AQR: variants seen among roughly 807,000 people sequenced by gnomAD.
AQR encodes the protein aquarius intron-binding spliceosomal factor.
In AQR, 61 loss-of-function variants were observed where a neutral mutation model predicts 180.5. The observed-to-expected ratio is 0.34, with a 90% confidence interval of 0.28 to 0.42. AQR has a LOEUF of 0.42. Ranked by LOEUF, AQR falls within the 10% of genes least tolerant of loss-of-function variation. The pLI is 1.00. For synonymous variants in AQR, 551 were observed against 588.8 expected (o/e 0.94, Z 0.93); for missense variants, 1,281 against 1,798.3 (o/e 0.71, Z 5.20).
intron 2 of AQR, among the ~76,000 whole-genome samples, chr15:34,961,628 A>AG: frequency 6.7e-6 from 1 of 148,966 alleles, no homozygotes; most frequent in Admixed American, 6.8e-5. Flanking sequence ...AAAAAAAAAA[A>AG]AAAAAAGAAT....
chr15:34,919,064 C>A (rs1893642032), intron 14 of AQR, among the ~76,000 whole-genome samples: 1 of 151,826 alleles, frequency 6.6e-6, no homozygotes, highest in Admixed American at 6.6e-5. Context: ...CATGGTGAAA[C>A]CCCATCTCTA....
chr15:34,861,833 C>T (rs1892674921), intron 33 of AQR, among the ~76,000 whole-genome samples: 1 of 151,944 alleles, frequency 6.6e-6, no homozygotes, highest in African/African-American at 2.4e-5. Context: ...TTATAAAGTA[C>T]TTATTATTAT....
At chr15:34,924,700 G>C (rs1210842024) in intron 13 of AQR, among the ~76,000 whole-genome samples, 2 of 151,942 alleles carry the variant, frequency 1.3e-5, no homozygotes, top group Non-Finnish European at 2.9e-5. Context: ...CAAAGTGCTG[G>C]GGTTATAGGC....
chr15:34,922,538 G>A (rs1244870410), intron 13 of AQR, among the ~76,000 whole-genome samples: 10 of 151,814 alleles, frequency 6.6e-5, no homozygotes, highest in South Asian at 2.1e-4. Flanking sequence ...AATATTATCC[G>A]TTTTGGGGTT....
Position 34,906,632 on chromosome 15 carries a change from G to T in AQR, c.1744C>A (p.Pro582Thr), listed in dbSNP as rs753295936. ...PYGTKFDRRR[P>T]FIEQVGLVYV... is the part of the protein sequence containing the mutation. ...ACCAGGCCAACCTGCTCAATAAAAGGTCTCCTCCGGTCAAACTTAGTGCCA... is the reference window on the plus strand; with the variant it reads ...ACCAGGCCAACCTGCTCAATAAAAGTTCTCCTCCGGTCAAACTTAGTGCCA... Residue 582 changes from proline (P) to threonine (T), a missense_variant, in exon 18 of 35, where the codon CCT becomes ACT. By Grantham distance (38) the Pro-to-Thr change is conservative. Around this residue, in one of 9 missense-constraint regions of AQR, gnomAD observed 200 missense variants for 293.4 expected, o/e 0.68. Coordinates refer to ENST00000156471, the MANE Select transcript of AQR (RefSeq NM_014691.3). 9.3e-6 allele frequency: 15 copies of T among 1,614,052 alleles called. No individual in the cohort carries two copies. The highest frequency in any genetic ancestry group is 1.3e-5 in the Non-Finnish European group (15 of 1,179,982).
intron 27 of AQR, among the ~76,000 whole-genome samples, chr15:34,877,146 C>A (rs1266391994): frequency 6.6e-6 from 1 of 152,138 alleles, no homozygotes; most frequent in African/African-American, 2.4e-5. Flanking sequence ...AAATTTCATT[C>A]CTTCTTCGAT....
intron 23 of AQR, 43 bp downstream of exon 23, chr15:34,893,606 TGCACACACACACAC>T: frequency 1.2e-6 from 1 of 823,894 alleles, no homozygotes. Flanking sequence ...TGCGCATGCG[TGCACACACACACAC>T]ACACACACAC....
intron 16 of AQR, among the ~76,000 whole-genome samples, chr15:34,913,848 T>C (rs1893536618): frequency 6.6e-6 from 1 of 152,240 alleles, no homozygotes. Flanking sequence ...AGCCAGTGGG[T>C]ATACAAATTT....
At position 34,950,248 on chromosome 15, in the gene AQR, C is replaced by G. The variant is rs1163671914; in HGVS notation, c.210-1864G>C. Among the ~76,000 whole-genome samples the G allele has an allele frequency of 2.0e-5, 3 of 151,884 alleles. No homozygotes were observed. The South Asian group carries it at 6.2e-4, about 31-fold the overall frequency. On this transcript the variant is annotated intron_variant, in intron 4 of 34. Coordinates refer to ENST00000156471, the MANE Select transcript of AQR (RefSeq NM_014691.3). ...GAGATTACAGGCATGTGCCACCACA[C>G]CCAGCTAATTTTTGTATTTTTAGTA... is the stretch of plus-strand genomic sequence containing the variant.
chr15:34,964,303 C>CAGTAT lies in AQR; in HGVS notation c.76-18_76-14dup, dbSNP rs1395047040. ...ATTTACATGCTAACTGCAAAGTAAA[C>CAGTAT]AGTATAAACAGTAAGTCCCAGATTC... On this transcript the variant is annotated splice_polypyrimidine_tract_variant and intron_variant, in intron 1 of 34. Transcript: ENST00000156471. The CAGTAT allele has an allele frequency of 6.3e-7, 1 of 1,582,798 alleles. No homozygotes were observed. Among genetic ancestry groups the CAGTAT allele is most frequent in the Non-Finnish European group, 8.7e-7 (1 of 1,154,352 alleles).
intron 9 of AQR, among the ~76,000 whole-genome samples, chr15:34,935,519 T>C (rs559141425): frequency 3.3e-5 from 5 of 152,342 alleles, no homozygotes; most frequent in African/African-American, 1.2e-4. Flanking sequence ...TTATTTGTAG[T>C]GTACAGGAAA....
At position 34,851,992 on chromosome 15, in the gene AQR, AATTACACTACGAC is replaced by A. The variant is rs1892518769; in HGVS notation, c.*4787_*4799del. On this transcript the variant is annotated 3_prime_UTR_variant, in exon 35 of 35. Transcript: ENST00000156471. Reference sequence around the variant, plus strand: ...GATTAATACCACATGACACTCAATAAATTACACTACGACATTTTGTACAAATCACTTCACTTCT... The same window carrying A: ...GATTAATACCACATGACACTCAATAAATTTTGTACAAATCACTTCACTTCT... 6.6e-6 allele frequency: 1 copy of A among 152,146 alleles called. No individual in the cohort carries two copies. The highest frequency in any genetic ancestry group is 6.5e-5 in the Admixed American group (1 of 15,280). 9.4% of individuals were successfully genotyped at this position (152,146 alleles called of 1,614,324 possible). A position where few individuals can be genotyped will look rare whatever the true frequency, so the allele number is the denominator to read the frequency against.
chr15:34,877,352 T>C (rs992343846), intron 27 of AQR, among the ~76,000 whole-genome samples: 214 of 152,340 alleles, frequency 1.4e-3, no homozygotes, highest in Non-Finnish European at 5.7e-4. Flanking sequence ...TATTTTATTT[T>C]CCAGGGAGGT....
chr15:34,909,458 A>C (rs370496365), intron 17 of AQR, among the ~76,000 whole-genome samples: 1 of 152,222 alleles, frequency 6.6e-6, no homozygotes, highest in Non-Finnish European at 1.5e-5. Context: ...AATCTTGCCT[A>C]GCAAAAATAG....
chr15:34,884,640 T>C lies in AQR; in HGVS notation c.2912A>G (p.His971Arg), dbSNP rs200022337. The change falls in exon 26 of 35, where the codon CAT becomes CGT. Residue 971 changes from histidine (H) to arginine (R), a missense_variant. Physicochemically the swap from His to Arg is conservative, Grantham distance 29 (BLOSUM62 0). Transcript: ENST00000156471. The stretch of plus-strand genomic sequence containing the variant: ...TTGAGGAGCATTTGCAAAGTATTCA[T>C]GGAAAGGGAAGAAAGTGGAGACTTC... ...VTEVSTFFPF[H>R]EYFANAPQPI... is the part of the protein sequence containing the mutation. 2.2e-3 allele frequency: 3,535 copies of C among 1,612,006 alleles called. 4 individuals carry two copies. The highest frequency in any genetic ancestry group is 2.7e-3 in the Non-Finnish European group (3,160 of 1,179,462).
chr15:34,882,512 A>G lies in AQR; in HGVS notation c.3155T>C (p.Leu1052Pro). The change falls in exon 27 of 35, where the codon CTA becomes CCA. Residue 1052 changes from leucine to proline, a missense_variant. This residue lies in a region of AQR where 125 missense variants were observed against 185.0 expected (regional missense o/e 0.68). Coordinates refer to ENST00000156471, the MANE Select transcript of AQR (RefSeq NM_014691.3). ...ACCATAAGTCTTTACCTTGAAACCT[A>G]GCTTGACCAAGTCATGTCGTTTTAA... The part of the protein sequence containing the change: ...AALKRHDLVK[L>P]GFKYDNILME... The G allele has an allele frequency of 6.3e-7, 1 of 1,579,942 alleles. No homozygotes were observed. Among genetic ancestry groups the G allele is most frequent in the Non-Finnish European group, 8.6e-7 (1 of 1,165,232 alleles).
chr15:34,932,499 A>C, intron 10 of AQR, 65 bp from the exon 11 acceptor site: 1 of 1,171,606 alleles, frequency 8.5e-7, no homozygotes, highest in Non-Finnish European at 1.2e-6. Context: ...AGTGAAATCT[A>C]GTGATATTTA....
At chr15:34,870,696 C>A (rs1892804065) in intron 31 of AQR, 56 bp downstream of exon 31, 1 of 1,499,314 alleles carries the variant, frequency 6.7e-7, no homozygotes, top group Non-Finnish European at 9.0e-7. Context: ...ACAATATAAA[C>A]CTTTCCATCT....
At chr15:34,860,682 C>T (rs1892658565) in intron 33 of AQR, among the ~76,000 whole-genome samples, 1 of 152,220 alleles carries the variant, frequency 6.6e-6, no homozygotes. Context: ...AAAATATTAA[C>T]ACTCTTTGTC....
Sources: gnomAD v4.1 joint callset for allele counts (sites outside exome capture counted in the v4.1 genomes callset) on GRCh38, gnomAD v4.1.1 for gene constraint, gnomAD v4.1.1 regional missense constraint, MANE v1.5 for transcripts, NCBI Gene and HGNC (gene_info 2026-07-23, HGNC 2026-07-21) for gene names.